The following ABCC5 variants were observed in gnomAD, a reference collection of about 807,000 sequenced individuals.
ABCC5 encodes the protein ATP binding cassette subfamily C member 5, also known as ATP-binding cassette sub-family C member 5.
ABCC5 carries 61 observed loss-of-function variants against 160.9 expected under a neutral mutation model. That is an observed-to-expected ratio of 0.38 (90% CI 0.31 to 0.47). The LOEUF (loss-of-function observed/expected upper bound fraction) is 0.47, where lower values mean the gene tolerates loss of function less well. Among genes scored for constraint, ABCC5 ranks in the 20% least tolerant of loss-of-function variants. The pLI, the probability that ABCC5 is intolerant of heterozygous loss-of-function variation, is 0.99. For synonymous variants in ABCC5, 666 were observed against 700.6 expected, an observed-to-expected ratio of 0.95 and a Z score of 0.78; for missense variants, 1,308 against 1,813.3, an observed-to-expected ratio of 0.72 and a Z score of 5.06.
In ABCC5 at chr3:183,982,006, T is replaced by C. The variant is rs1204061226; in HGVS notation, c.1000-132A>G. ...CTAGGATGGGCCAAATGTTATGTAA[T>C]CGTACTGTCTTTAATAAAAGTGACC... On this transcript the variant is annotated intron_variant, in intron 7 of 29. Coordinates refer to ENST00000334444, the MANE Select transcript of ABCC5 (RefSeq NM_005688.4). This position sits in a 1 kb window ranked among gnomAD's most constrained non-coding sequence, Gnocchi z 5.2. 1.4e-5 allele frequency: 13 copies of C among 914,434 alleles called. No homozygotes were observed. Among genetic ancestry groups the C allele is most frequent in the Non-Finnish European group, 2.1e-5 (13 of 622,472 alleles). The allele number at this position is 914,434 out of a possible 1,614,324, so 56.6% of individuals were successfully genotyped here.
chr3:183,976,820 G>T (rs1261827648), intron 10 of ABCC5, among the ~76,000 whole-genome samples: 1 of 152,088 alleles, frequency 6.6e-6, no homozygotes, highest in Non-Finnish European at 1.5e-5. Flanking sequence ...CAACATCAAG[G>T]AATTCCAGCC....
intron 29 of ABCC5, 63 bp downstream of exon 29, chr3:183,925,492 T>C (rs1577446085): frequency 1.9e-6 from 3 of 1,579,670 alleles, no homozygotes; most frequent in South Asian, 1.1e-5. Flanking sequence ...AATCAGTCCA[T>C]CCCTGCCAGG....
At chr3:183,928,913 G>T in intron 26 of ABCC5, 88 bp from the exon 27 acceptor site, 1 of 1,071,184 alleles carries the variant, frequency 9.3e-7, no homozygotes. Flanking sequence ...TAACACACAT[G>T]CATAGGGAGA....
intron 29 of ABCC5, 44 bp downstream of exon 29, chr3:183,925,511 T>G (rs1577446159): frequency 1.2e-6 from 2 of 1,603,608 alleles, no homozygotes; most frequent in Non-Finnish European, 1.7e-6. Flanking sequence ...GGGGCCAGTT[T>G]CCTCCCAGAC....
intron 10 of ABCC5, among the ~76,000 whole-genome samples, chr3:183,972,880 A>T (rs1329316500): frequency 6.6e-6 from 1 of 152,094 alleles, no homozygotes; most frequent in Non-Finnish European, 1.5e-5. Flanking sequence ...TCCTGGGCTC[A>T]AGTGATCTGC....
chr3:183,936,612 A>G (rs1282888881), intron 26 of ABCC5, among the ~76,000 whole-genome samples: 1 of 151,520 alleles, frequency 6.6e-6, no homozygotes, highest in Non-Finnish European at 1.5e-5. Context: ...GGTTCACACC[A>G]TTCTCCTGCC....
At chr3:183,960,939 C>A (rs1205032631) in intron 16 of ABCC5, among the ~76,000 whole-genome samples, 4 of 152,082 alleles carry the variant, frequency 2.6e-5, no homozygotes, top group African/African-American at 7.2e-5. Flanking sequence ...GCGCCTGCCA[C>A]CACACCTGGC....
At chr3:184,009,832 A>G (rs1721552873) in intron 2 of ABCC5, 1 of 266,850 alleles carries the variant, frequency 3.7e-6, no homozygotes, top group South Asian at 3.7e-5. Flanking sequence ...TACAGTAAAA[A>G]TCAGGAAAAC....
intron 29 of ABCC5, among the ~76,000 whole-genome samples, chr3:183,924,256 G>A (rs116432568): frequency 0.015 from 2,249 of 152,174 alleles, 24 homozygotes; most frequent in Non-Finnish European, 0.023. Context: ...CTGAGCTCAG[G>A]CAATCTGCCC....
chr3:183,976,634 G>C (rs553493238), intron 10 of ABCC5, among the ~76,000 whole-genome samples: 1 of 152,172 alleles, frequency 6.6e-6, no homozygotes, highest in African/African-American at 2.4e-5. Flanking sequence ...CGGGAACTGA[G>C]TTTCCATGTT....
chr3:183,926,829 G>A (rs1353073915), intron 28 of ABCC5, among the ~76,000 whole-genome samples: 2 of 151,874 alleles, frequency 1.3e-5, no homozygotes, highest in South Asian at 2.1e-4. Flanking sequence ...GGCAGATCAC[G>A]AGGTCAAGAG....
intron 23 of ABCC5, among the ~76,000 whole-genome samples, chr3:183,946,908 A>T (rs979195640): frequency 5.3e-5 from 8 of 152,144 alleles, no homozygotes; most frequent in Non-Finnish European, 2.9e-5. Context: ...ATATAACAGT[A>T]TTGGGAAAAT....
At position 183,974,832 on chromosome 3, in the gene ABCC5, T is replaced by C. The variant is rs532084934; in HGVS notation, c.1404+2685A>G. 1.7e-3 allele frequency among the ~76,000 whole-genome samples: 255 copies of C among 152,316 alleles called. 2 individuals are homozygous for C. The highest frequency in any genetic ancestry group is 5.5e-3 in the African/African-American group (227 of 41,558). On this transcript the variant is annotated intron_variant, in intron 10 of 29. Transcript: ENST00000334444. ...TATCTCTTTTCCTATTCTTTATGCA[T>C]ACTACCCAACAGGAAGCAACAAGTT...
At position 183,963,862 on chromosome 3, in the gene ABCC5, C is replaced by G. The variant is rs924443471; in HGVS notation, c.2032-274G>C. ...TTGCCAGTCCACCCGGATGCTCCCC[C>G]TCCAATCCATTCTCCACATGGCAGG... On this transcript the variant is annotated intron_variant, in intron 14 of 29. Transcript: ENST00000334444. This position sits in a 1 kb window ranked among gnomAD's most constrained non-coding sequence, Gnocchi z 4.6. Among the ~76,000 whole-genome samples, 1 of 152,216 alleles carries G rather than the reference C, an allele frequency of 6.6e-6. No homozygotes were observed. Among genetic ancestry groups the G allele is most frequent in the African/African-American group, 2.4e-5 (1 of 41,454 alleles).
intron 26 of ABCC5, among the ~76,000 whole-genome samples, chr3:183,929,687 C>G (rs188335999): frequency 2.6e-5 from 4 of 152,300 alleles, no homozygotes; most frequent in Admixed American, 2.6e-4. Context: ...TTTTTGCTTA[C>G]TGTGCCAACA....
Position 183,981,758 on chromosome 3 carries a change from G to A in ABCC5, c.1116C>T (p.Ala372=), listed in dbSNP as rs756973582. The A allele has an allele frequency of 1.9e-6, 3 of 1,610,890 alleles. No individual in the cohort carries two copies. The East Asian group carries it at 6.7e-5, about 36-fold the overall frequency. The part of the protein sequence containing the change: ...LTYIKFIKMY[A]WVKAFSQSVQ... ...CACTCTGAGAAAATGCTTTGACCCAGGCATACATTTTGATAAATTTAATGT... is the reference window on the plus strand; with the variant it reads ...CACTCTGAGAAAATGCTTTGACCCAAGCATACATTTTGATAAATTTAATGT... The change falls in exon 8 of 30, where the codon GCC becomes GCT. Residue 372 remains alanine, a synonymous_variant. Coordinates refer to ENST00000334444, the MANE Select transcript of ABCC5 (RefSeq NM_005688.4).
chr3:183,989,018 T>C (rs1719486790), intron 3 of ABCC5, among the ~76,000 whole-genome samples: 1 of 151,682 alleles, frequency 6.6e-6, no homozygotes, highest in African/African-American at 2.4e-5. Flanking sequence ...ACAAAAAAAT[T>C]AGCTGGGCTT....
intron 29 of ABCC5, among the ~76,000 whole-genome samples, chr3:183,922,423 G>T (rs1403787031): frequency 6.6e-6 from 1 of 152,164 alleles, no homozygotes; most frequent in Non-Finnish European, 1.5e-5. Context: ...AACTGCAGGG[G>T]AGAGAAGTTG....
chr3:183,986,518 T>C (rs1719231390), intron 5 of ABCC5: 1 of 152,098 alleles, frequency 6.6e-6, no homozygotes, highest in Non-Finnish European at 1.5e-5. Context: ...ATAGGTACCA[T>C]TTTTTTCAAA....
Sources: gnomAD v4.1 joint callset for allele counts (sites outside exome capture counted in the v4.1 genomes callset) on GRCh38, gnomAD v4.1.1 for gene constraint, Gnocchi (gnomAD v3.1) non-coding constraint, MANE v1.5 for transcripts, NCBI Gene and HGNC (gene_info 2026-07-23, HGNC 2026-07-21) for gene names.